The following GCDH variants were observed in gnomAD, a reference collection of about 807,000 sequenced individuals.
The protein encoded by GCDH is glutaryl-CoA dehydrogenase.
Under a neutral mutation model 52.8 loss-of-function variants are expected in GCDH, and 31 were observed. The observed-to-expected ratio is 0.59, with a 90% confidence interval of 0.44 to 0.79. The LOEUF (loss-of-function observed/expected upper bound fraction) is 0.79. Among genes scored for constraint, GCDH ranks in the 30% least tolerant of loss-of-function variants. The probability of loss-of-function intolerance (pLI) is 0.00; values close to 1 mark genes in which losing one functional copy is unlikely to be tolerated. For missense variants in GCDH, 509 were observed against 595.0 expected (o/e 0.86, Z 1.50); for synonymous variants, 242 against 250.0 (o/e 0.97, Z 0.30).
At chr19:12,894,652 A>G in intron 6 of GCDH, 1 of 771,278 alleles carries the variant, frequency 1.3e-6, no homozygotes, top group Non-Finnish European at 2.1e-6. Flanking sequence ...GGACCAAAGC[A>G]CCCAAGATTC....
chr19:12,898,463 A>C (rs77918766), intron 11 of GCDH: 4,005 of 157,576 alleles, frequency 0.025, 170 homozygotes, highest in African/African-American at 0.091. Context: ...GAGAACAGCA[A>C]ATGCAGGAGG....
intron 3 of GCDH, 22 bp from the exon 4 acceptor site, chr19:12,891,809 C>T (rs200145853): frequency 2.7e-4 from 442 of 1,613,072 alleles, no homozygotes; most frequent in Non-Finnish European, 3.4e-4. Context: ...CGGACTGGAC[C>T]GAGGCGAATT....
intron 6 of GCDH, among the ~76,000 whole-genome samples, chr19:12,895,680 T>C (rs1430311021): frequency 2.0e-5 from 3 of 151,998 alleles, no homozygotes; most frequent in Non-Finnish European, 4.4e-5. Context: ...GGCATGATCT[T>C]GGCTCACTGC....
In GCDH at chr19:12,893,586, C is replaced by T. The variant is rs1970606310; in HGVS notation, c.438C>T (p.Ser146=). ...GGTCGGCGATGAGTGTCCAGTCCTC[C>T]CTCGTCATGCACCCTATCTATGCCT... ...GYRSAMSVQS[S]LVMHPIYAYG... The change falls in exon 6 of 12, where the codon TCC becomes TCT. Residue 146 remains serine, a synonymous_variant. Transcript: ENST00000222214. 3 of 1,613,988 alleles carry T rather than the reference C, an allele frequency of 1.9e-6. No homozygotes were observed. The highest frequency in any genetic ancestry group is 1.7e-6 in the Non-Finnish European group (2 of 1,179,874).
In GCDH at chr19:12,896,377, G is replaced by C; in HGVS notation, c.808G>C (p.Glu270Gln). Reference sequence around the variant, plus strand: ...AGGCATGATCATCATGGACGGTGTGGAGGTGCCAGAGGAGAATGTGCTCCC... The same window carrying C: ...AGGCATGATCATCATGGACGGTGTGCAGGTGCCAGAGGAGAATGTGCTCCC... ...ATGMIIMDGV[E>Q]VPEENVLPGA... The change falls in exon 8 of 12, where the codon GAG (glutamate) becomes CAG (glutamine). Residue 270 changes from glutamate to glutamine, a missense_variant. Glu to Gln is a conservative substitution (Grantham distance 29, BLOSUM62 2). Coordinates refer to ENST00000222214, the MANE Select transcript of GCDH (RefSeq NM_000159.4). This position sits in a 1 kb window ranked among gnomAD's most constrained non-coding sequence, Gnocchi z 5.5. 1 of 1,614,106 alleles carries C rather than the reference G, an allele frequency of 6.2e-7. No homozygotes were observed. The highest frequency in any genetic ancestry group is 1.1e-5 in the South Asian group (1 of 91,070).
chr19:12,894,925 A>C (rs1970639056), intron 6 of GCDH: 3 of 430,416 alleles, frequency 7.0e-6, no homozygotes, highest in South Asian at 3.4e-5. Context: ...AAAAAAAAAA[A>C]AAACCCACAA....
intron 11 of GCDH, 32 bp downstream of exon 11, chr19:12,897,895 G>C: frequency 6.3e-7 from 1 of 1,588,068 alleles, no homozygotes; most frequent in Non-Finnish European, 8.6e-7. Context: ...GCTCACTGAG[G>C]CCTCAGTGTC....
rs1970726761 is a variant in GCDH, at chr19:12,897,963, C to CACT, written c.1243+102_1243+104dup. On this transcript the variant is annotated intron_variant, in intron 11 of 11. Transcript: ENST00000222214. ...CAGGTCTGAGTCCAACTCCACCTAT[C>CACT]ACTAAGTGACAGTGTGACCTGGGGC... 274 of 986,176 alleles carry CACT rather than the reference C, an allele frequency of 2.8e-4. 5 individuals carry two copies. In the South Asian group the frequency reaches 3.5e-3, roughly 13 times the overall value. 61.1% of individuals were successfully genotyped at this position (986,176 alleles called of 1,614,324 possible). A position where few individuals can be genotyped will look rare whatever the true frequency, so the allele number is the denominator to read the frequency against.
chr19:12,896,516 T>A lies in GCDH; in HGVS notation c.852+95T>A. ...TGCTGGGGACGCGGCTCCCTGTGCCTGTGGAGCCCACACAGTGGTGATTCT... is the reference window on the plus strand; with the variant it reads ...TGCTGGGGACGCGGCTCCCTGTGCCAGTGGAGCCCACACAGTGGTGATTCT... On this transcript the variant is annotated intron_variant, in intron 8 of 11. Transcript: ENST00000222214. This position sits in a 1 kb window ranked among gnomAD's most constrained non-coding sequence, Gnocchi z 5.5. 1.1e-6 allele frequency: 1 copy of A among 943,528 alleles called. No individual in the cohort carries two copies. Among genetic ancestry groups the A allele is most frequent in the Non-Finnish European group, 1.7e-6 (1 of 603,216 alleles). The allele number at this position is 943,528 out of a possible 1,614,324, so 58.4% of individuals were successfully genotyped here.
Position 12,897,736 on chromosome 19 carries a change from G to C in GCDH, c.1116G>C (p.Arg372Ser). 1 of 1,614,126 alleles carries C rather than the reference G, an allele frequency of 6.2e-7. No individual in the cohort carries two copies. Among genetic ancestry groups the C allele is most frequent in the Non-Finnish European group, 8.5e-7 (1 of 1,180,000 alleles). The part of the protein sequence containing the change: ...AAPEMVSLLK[R>S]NNCGKALDIA... Reference sequence around the variant, plus strand: ...CCGAGATGGTTTCTCTGCTGAAGAGGAATAACTGTGGGAAAGCCCTGGACA... The same window carrying C: ...CCGAGATGGTTTCTCTGCTGAAGAGCAATAACTGTGGGAAAGCCCTGGACA... Residue 372 changes from arginine to serine, a missense_variant, in exon 11 of 12, where the codon AGG becomes AGC. Coordinates refer to ENST00000222214, the MANE Select transcript of GCDH (RefSeq NM_000159.4).
intron 5 of GCDH, among the ~76,000 whole-genome samples, chr19:12,892,879 CTTT>C (rs1044140707): frequency 5.4e-5 from 7 of 130,756 alleles, no homozygotes; most frequent in Admixed American, 7.8e-5. Flanking sequence ...CGGCCCTTTT[CTTT>C]TTTTTTTTTT....
At chr19:12,892,047 C>T (rs1442090015) in intron 4 of GCDH, 69 bp from the exon 5 acceptor site, 1 of 1,610,474 alleles carries the variant, frequency 6.2e-7, no homozygotes, top group Admixed American at 1.7e-5. Flanking sequence ...CAAGGCCCCT[C>T]TGTCCTTGGG....
intron 6 of GCDH, among the ~76,000 whole-genome samples, chr19:12,895,781 T>TTG (rs1466383943): frequency 1.4e-5 from 2 of 144,608 alleles, no homozygotes; most frequent in Non-Finnish European, 3.0e-5. Flanking sequence ...CTGGCTATTT[T>TTG]TTTTTTTTTT....
chr19:12,894,587 G>A (rs1275920680), intron 6 of GCDH: 6 of 664,114 alleles, frequency 9.0e-6, no homozygotes, highest in Non-Finnish European at 1.6e-5. Context: ...TAAAGAAAAT[G>A]ATGTCTGCCA....
At position 12,892,401 on chromosome 19, in the gene GCDH, C is replaced by T. The variant is rs1032513804; in HGVS notation, c.334+223C>T. ...CTGCCTCCCAGGCTCAAGCGATTCTCCTGCCTCCACCCCTCTAGTAGCTGG... is the reference window on the plus strand; with the variant it reads ...CTGCCTCCCAGGCTCAAGCGATTCTTCTGCCTCCACCCCTCTAGTAGCTGG... On this transcript the variant is annotated intron_variant, in intron 5 of 11. Coordinates refer to ENST00000222214, the MANE Select transcript of GCDH (RefSeq NM_000159.4). 8.3e-6 allele frequency: 5 copies of T among 602,890 alleles called. No individual in the cohort carries two copies. In the Admixed American group the frequency reaches 8.4e-5, roughly 10 times the overall value. 37.3% of individuals were successfully genotyped at this position (602,890 alleles called of 1,614,324 possible). A position where few individuals can be genotyped will look rare whatever the true frequency, so the allele number is the denominator to read the frequency against.
intron 6 of GCDH, chr19:12,894,913 CAAAA>C (rs35759366): frequency 3.8e-4 from 67 of 175,924 alleles, no homozygotes; most frequent in South Asian, 6.9e-4. Context: ...ATCAGATTCG[CAAAA>C]AAAAAAAAAA....
chr19:12,891,801 G>T, intron 3 of GCDH, 30 bp from the exon 4 acceptor site: 7 of 1,612,798 alleles, frequency 4.3e-6, no homozygotes, highest in South Asian at 1.1e-5. Flanking sequence ...TGATCTTGCG[G>T]ACTGGACCGA....
rs371026901 is a variant in GCDH at position 12,891,539 on chromosome 19, G to T, written c.127+17G>T. 1.2e-6 allele frequency: 2 copies of T among 1,614,044 alleles called. No homozygotes were observed. Among genetic ancestry groups the T allele is most frequent in the South Asian group, 1.1e-5 (1 of 91,090 alleles). The stretch of plus-strand genomic sequence containing the variant: ...TGGCTAAGTGTAAGGACCTCTGGTC[G>T]CACCGTGTGTCTGCTGCCCCTGTTC... On this transcript the variant is annotated intron_variant, in intron 3 of 11. Transcript: ENST00000222214.
intron 3 of GCDH, 76 bp from the exon 4 acceptor site, chr19:12,891,755 G>A: frequency 2.5e-6 from 4 of 1,598,640 alleles, no homozygotes; most frequent in Non-Finnish European, 3.4e-6. Flanking sequence ...GTGTTGGGGG[G>A]TAGGGCTGAT....
Sources: allele counts gnomAD v4.1 joint callset (sites outside exome capture counted in the v4.1 genomes callset), GRCh38; gene constraint gnomAD v4.1.1; non-coding constraint Gnocchi (gnomAD v3.1); transcripts MANE v1.5; gene names NCBI Gene and HGNC (gene_info 2026-07-23, HGNC 2026-07-21).